ARAP2: variants seen among roughly 807,000 people sequenced by gnomAD.
ARAP2 encodes the protein arf-GAP with Rho-GAP domain, ANK repeat and PH domain-containing protein 2.
ARAP2 carries 148 observed loss-of-function variants against 194.5 expected under a neutral mutation model. That is an observed-to-expected ratio of 0.76 (90% CI 0.67 to 0.87). The LOEUF is 0.87. Ranked by LOEUF, ARAP2 falls within the 40% of genes least tolerant of loss-of-function variation. ARAP2 has a pLI of 0.00. For missense variants in ARAP2, 2,128 were observed against 1,989.7 expected (o/e 1.07, Z -1.32); for synonymous variants, 695 against 683.5 (o/e 1.02, Z -0.26).
intron 2 of ARAP2, chr4:36,052,195 T>A (rs1022852741): frequency 5.3e-5 from 8 of 152,140 alleles, no homozygotes; most frequent in African/African-American, 1.9e-4. Context: ...AATATACATA[T>A]CAGTAATATG....
At chr4:36,187,427 A>T in intron 8 of ARAP2, 24 bp downstream of exon 8, 1 of 1,292,036 alleles carries the variant, frequency 7.7e-7, no homozygotes, top group South Asian at 1.7e-5. Context: ...AATGTATTTC[A>T]TATGGATAAA....
chr4:36,121,129 A>C lies in ARAP2; in HGVS notation c.3894+50T>G, dbSNP rs748887832. 43 of 1,388,328 alleles carry C rather than the reference A, an allele frequency of 3.1e-5. No individual in the cohort carries two copies. In the South Asian group the frequency reaches 5.9e-4, roughly 19 times the overall value. The allele number at this position is 1,388,328 out of a possible 1,614,324, so 86.0% of individuals were successfully genotyped here. On this transcript the variant is annotated intron_variant, in intron 23 of 32. Coordinates refer to ENST00000303965, the MANE Select transcript of ARAP2 (RefSeq NM_015230.4). ...CCTACAACATAAATATTTGTTGGCAAACAGTGACATTATAACCATTTTAAC... is the reference window on the plus strand; with the variant it reads ...CCTACAACATAAATATTTGTTGGCACACAGTGACATTATAACCATTTTAAC...
intron 8 of ARAP2, among the ~76,000 whole-genome samples, chr4:36,182,990 C>A (rs1231748289): frequency 6.6e-6 from 1 of 152,090 alleles, no homozygotes; most frequent in South Asian, 2.1e-4. Flanking sequence ...ACCCTAAAAC[C>A]AAGAGATCGC....
intron 1 of ARAP2, among the ~76,000 whole-genome samples, chr4:36,242,000 C>CTT (rs1441274950): frequency 6.6e-6 from 1 of 152,040 alleles, no homozygotes; most frequent in Admixed American, 6.6e-5. Flanking sequence ...GAAAAGATCA[C>CTT]GTGAGGAGAA....
intron 31 of ARAP2, among the ~76,000 whole-genome samples, chr4:36,079,528 G>A (rs995757349): frequency 5.3e-5 from 8 of 152,154 alleles, no homozygotes; most frequent in Non-Finnish European, 1.0e-4. Flanking sequence ...AATTTAGCTA[G>A]ACAAGGTTGG....
At chr4:36,179,705 T>C (rs912654293) in intron 8 of ARAP2, among the ~76,000 whole-genome samples, 1 of 152,190 alleles carries the variant, frequency 6.6e-6, no homozygotes, top group Non-Finnish European at 1.5e-5. Context: ...AGAGCCCAGT[T>C]TGGGAAATGG....
At chr4:36,074,785 T>C (rs1377277820) in intron 31 of ARAP2, among the ~76,000 whole-genome samples, 5 of 152,164 alleles carry the variant, frequency 3.3e-5, no homozygotes, top group Non-Finnish European at 7.4e-5. Flanking sequence ...CTTATTTTAA[T>C]GTGTTGCTTT....
intron 28 of ARAP2, among the ~76,000 whole-genome samples, chr4:36,087,182 G>A (rs955247470): frequency 2.6e-5 from 4 of 151,814 alleles, no homozygotes; most frequent in Non-Finnish European, 4.4e-5. Flanking sequence ...AGTTAACATC[G>A]CCAATGGCTT....
At chr4:36,046,774 C>A (rs1721905856) in exon 4 of ARAP2, 2 of 152,132 alleles carry the variant, frequency 1.3e-5, no homozygotes, top group Admixed American at 1.3e-4. Flanking sequence ...CTTTTCTGTC[C>A]AGGCCAGAGT....
In ARAP2 at chr4:36,066,623, T is replaced by G. The variant is rs1725519347; in HGVS notation, c.*1284A>C. 6.6e-6 allele frequency: 1 copy of G among 151,216 alleles called. No individual in the cohort carries two copies. The highest frequency in any genetic ancestry group is 1.5e-5 in the Non-Finnish European group (1 of 67,840). The allele number at this position is 151,216 out of a possible 1,614,324, so 9.4% of individuals were successfully genotyped here. On this transcript the variant is annotated 3_prime_UTR_variant, in exon 33 of 33. Coordinates refer to ENST00000303965, the MANE Select transcript of ARAP2 (RefSeq NM_015230.4). ...TTTAATATCAAAACTCACCAGACAATCCAATTTTAAAGAAACTGATGGAAA... is the reference window on the plus strand; with the variant it reads ...TTTAATATCAAAACTCACCAGACAAGCCAATTTTAAAGAAACTGATGGAAA...
At chr4:36,154,243 A>C (rs1314521400) in intron 15 of ARAP2, among the ~76,000 whole-genome samples, 2 of 152,192 alleles carry the variant, frequency 1.3e-5, no homozygotes, top group Admixed American at 6.5e-5. Flanking sequence ...TCCTAAATTA[A>C]TAGTATTCGG....
At chr4:36,162,863 C>G (rs1324698370) in intron 11 of ARAP2, among the ~76,000 whole-genome samples, 1 of 151,932 alleles carries the variant, frequency 6.6e-6, no homozygotes, top group African/African-American at 2.4e-5. Flanking sequence ...ATGAATGAGA[C>G]TTGGTGGGTT....
chr4:36,061,842 T>C (rs550385755), downstream of ARAP2, among the ~76,000 whole-genome samples: 4 of 152,300 alleles, frequency 2.6e-5, no homozygotes, highest in East Asian at 7.7e-4. Context: ...GTATAAACAA[T>C]TTTAACTTAG....
intron 22 of ARAP2, among the ~76,000 whole-genome samples, chr4:36,124,108 T>C (rs2109559324): frequency 6.6e-6 from 1 of 151,900 alleles, no homozygotes; most frequent in South Asian, 2.1e-4. Flanking sequence ...TGAGAAGTAG[T>C]GGTTGGGAAA....
At chr4:36,170,316 A>T (rs1191214532) in intron 9 of ARAP2, among the ~76,000 whole-genome samples, 2 of 152,198 alleles carry the variant, frequency 1.3e-5, no homozygotes, top group African/African-American at 4.8e-5. Context: ...TGACCAGGCA[A>T]TGTGGCTCAC....
At chr4:36,059,951 AAG>A (rs1724142776) in intron 1 of ARAP2, among the ~76,000 whole-genome samples, 2 of 152,174 alleles carry the variant, frequency 1.3e-5, no homozygotes. Context: ...AGAGGTTAAA[AAG>A]AGAAGGCAGC....
intron 1 of ARAP2, among the ~76,000 whole-genome samples, chr4:36,234,886 T>C (rs1322716662): frequency 6.6e-6 from 1 of 152,226 alleles, no homozygotes; most frequent in African/African-American, 2.4e-5. Context: ...GCATCATGTA[T>C]ATGCAGTACA....
At chr4:36,062,312 C>T (rs1724575915), downstream of ARAP2, among the ~76,000 whole-genome samples, 1 of 152,164 alleles carries the variant, frequency 6.6e-6, no homozygotes, top group South Asian at 2.1e-4. Context: ...ACCGTATTTT[C>T]TACCCCTTCA....
intron 19 of ARAP2, among the ~76,000 whole-genome samples, chr4:36,139,167 T>C (rs1370379588): frequency 6.6e-6 from 1 of 151,660 alleles, no homozygotes; most frequent in Admixed American, 6.6e-5. Flanking sequence ...ATAATTCCAA[T>C]ACTTGTGATT....
Sources: allele counts gnomAD v4.1 joint callset (sites outside exome capture counted in the v4.1 genomes callset), GRCh38; gene constraint gnomAD v4.1.1; transcripts MANE v1.5; gene names NCBI Gene and HGNC (gene_info 2026-07-23, HGNC 2026-07-21).